TFPI: variants seen among roughly 807,000 people sequenced by gnomAD.
The protein encoded by TFPI is anti-convertin.
Under a neutral mutation model 34.6 loss-of-function variants are expected in TFPI, and 15 were observed. The observed-to-expected ratio is 0.43, with a 90% CI of 0.29 to 0.67. TFPI has a LOEUF of 0.67. Among genes scored for constraint, TFPI ranks in the 30% least tolerant of loss-of-function variants. The pLI, the probability that TFPI is intolerant of heterozygous loss-of-function variation, is 0.15. For missense variants in TFPI, 301 were observed against 364.0 expected (o/e 0.83, Z 1.41); for synonymous variants, 105 against 120.1 (o/e 0.87, Z 0.82).
chr2:187,488,416 T>G, intron 3 of TFPI, 41 bp from the exon 4 acceptor site: 1 of 1,274,228 alleles, frequency 7.8e-7, no homozygotes, highest in Non-Finnish European at 1.1e-6. Context: ...TGTCACAATT[T>G]ATAAAGTAAT....
At chr2:187,523,672 A>AT (rs970597826) in intron 1 of TFPI, among the ~76,000 whole-genome samples, 36 of 152,216 alleles carry the variant, frequency 2.4e-4, no homozygotes, top group African/African-American at 8.2e-4. Flanking sequence ...TATCCACAGA[A>AT]TAGTTGTAGT....
chr2:187,488,629 A>T (rs189001380), intron 3 of TFPI, among the ~76,000 whole-genome samples: 177 of 151,614 alleles, frequency 1.2e-3, no homozygotes, highest in African/African-American at 4.1e-3. Flanking sequence ...ACACACTTAC[A>T]AAGCTGAGAA....
rs1691635811 is a variant in TFPI at position 187,464,760 on chromosome 2, G to C, written c.*2176C>G. ...AATTTAAGGCAATTATTTATGCACT[G>C]AATATTTGAATGAAGATGTATTATT... On this transcript the variant is annotated 3_prime_UTR_variant, in exon 8 of 8. Coordinates refer to ENST00000233156, the MANE Select transcript of TFPI (RefSeq NM_006287.6). The C allele has an allele frequency of 6.6e-6, 1 of 152,136 alleles. No individual in the cohort carries two copies. Among genetic ancestry groups the C allele is most frequent in the East Asian group, 1.9e-4 (1 of 5,198 alleles). 9.4% of individuals were successfully genotyped at this position (152,136 alleles called of 1,614,324 possible).
At chr2:187,476,324 G>C (rs754019039) in intron 6 of TFPI, among the ~76,000 whole-genome samples, 16 of 152,016 alleles carry the variant, frequency 1.1e-4, no homozygotes, top group Non-Finnish European at 2.1e-4. Flanking sequence ...GGCAGAGTTG[G>C]AATTTTCCTG....
At chr2:187,538,387 A>T (rs542534600) in intron 1 of TFPI, among the ~76,000 whole-genome samples, 1 of 152,336 alleles carries the variant, frequency 6.6e-6, no homozygotes, top group East Asian at 1.9e-4. Context: ...CATATACACC[A>T]TGGAATACTA....
chr2:187,498,406 A>G (rs1685630052), intron 2 of TFPI, among the ~76,000 whole-genome samples: 1 of 151,776 alleles, frequency 6.6e-6, no homozygotes, highest in Non-Finnish European at 1.5e-5. Flanking sequence ...AATAGCAAGT[A>G]TTAGTCTTAT....
rs547085823 is a variant in TFPI, at chr2:187,486,590, T to C, written c.359-1603A>G. Among the ~76,000 whole-genome samples the C allele has an allele frequency of 3.3e-5, 5 of 151,798 alleles. No individual in the cohort carries two copies. The East Asian group carries it at 9.6e-4, about 29-fold the overall frequency. On this transcript the variant is annotated intron_variant, in intron 4 of 7. Transcript: ENST00000233156. ...AACTACATTGGGAAACATGAACTTATGTGAAGACAAAGTTGAAAATGGACA... is the reference window on the plus strand; with the variant it reads ...AACTACATTGGGAAACATGAACTTACGTGAAGACAAAGTTGAAAATGGACA...
intron 1 of TFPI, among the ~76,000 whole-genome samples, chr2:187,522,275 C>A (rs1300299526): frequency 6.6e-6 from 1 of 151,994 alleles, no homozygotes; most frequent in Non-Finnish European, 1.5e-5. Flanking sequence ...TTCAAAAAAT[C>A]ATTGCCAAGA....
intron 1 of TFPI, 128 bp from the exon 2 acceptor site, chr2:187,503,898 T>G (rs1411269984): frequency 1.1e-6 from 1 of 940,462 alleles, no homozygotes; most frequent in Non-Finnish European, 1.6e-6. Context: ...TACACATACA[T>G]TTCTCTGTGC....
At chr2:187,489,195 G>A (rs1438568096) in intron 3 of TFPI, among the ~76,000 whole-genome samples, 1 of 151,328 alleles carries the variant, frequency 6.6e-6, no homozygotes, top group African/African-American at 2.4e-5. Flanking sequence ...AGAGAGAGAA[G>A]GGAAGAAAGA....
intron 3 of TFPI, among the ~76,000 whole-genome samples, chr2:187,494,805 G>A (rs762240836): frequency 1.3e-5 from 2 of 152,052 alleles, no homozygotes; most frequent in Non-Finnish European, 2.9e-5. Context: ...TCACTGCAAC[G>A]TCTGGCTCCT....
At chr2:187,536,182 G>A (rs1192141795) in intron 1 of TFPI, among the ~76,000 whole-genome samples, 2 of 152,150 alleles carry the variant, frequency 1.3e-5, no homozygotes, top group South Asian at 2.1e-4. Flanking sequence ...TATTCCTTCT[G>A]AAACTATTCC....
Position 187,503,640 on chromosome 2 carries a change from T to C in TFPI, c.121+8A>G, listed in dbSNP as rs1179782331. On this transcript the variant is annotated splice_region_variant and intron_variant, in intron 2 of 7. Transcript: ENST00000233156. ...AGCTTAAAAAGATAATTGCTTCTAATATTTTACCTGTGATAATTGTGTGTT... is the reference window on the plus strand; with the variant it reads ...AGCTTAAAAAGATAATTGCTTCTAACATTTTACCTGTGATAATTGTGTGTT... The C allele has an allele frequency of 1.1e-5, 17 of 1,610,686 alleles. No individual in the cohort carries two copies. Among genetic ancestry groups the C allele is most frequent in the Non-Finnish European group, 1.4e-5 (17 of 1,178,380 alleles).
At chr2:187,503,575 C>A (rs2106119150) in intron 2 of TFPI, 73 bp downstream of exon 2, 1 of 1,535,330 alleles carries the variant, frequency 6.5e-7, no homozygotes, top group Non-Finnish European at 8.8e-7. Flanking sequence ...CAATGGAAAA[C>A]TATGGTAGAT....
Position 187,488,379 on chromosome 2 carries a change from T to C in TFPI, c.320-4A>G. 3.9e-6 allele frequency: 6 copies of C among 1,536,418 alleles called. No homozygotes were observed. Among genetic ancestry groups the C allele is most frequent in the Non-Finnish European group, 5.2e-6 (6 of 1,143,114 alleles). ...TTTATAATCCTGTTTGCATTATCTG[T>C]AATCAAAAGAATATATGCATATCAA... On this transcript the variant is annotated splice_region_variant and splice_polypyrimidine_tract_variant and intron_variant, in intron 3 of 7. Coordinates refer to ENST00000233156, the MANE Select transcript of TFPI (RefSeq NM_006287.6).
chr2:187,467,753 CT>C lies in TFPI; in HGVS notation c.807del (p.Gly270ValfsTer11). 2 of 1,594,712 alleles carry C rather than the reference CT, an allele frequency of 1.3e-6. No homozygotes were observed. The highest frequency in any genetic ancestry group is 1.1e-5 in the South Asian group (1 of 87,316). ...TTAATGGGAAGAGTATCTTCTATAC[CT>C]TTTTTACATGCCCTCAGACATTCTT... ...SKQECLRACK[K>X]GFIQRISKGG... On this transcript the variant is annotated frameshift_variant and splice_region_variant, in exon 7 of 8. Coordinates refer to ENST00000233156, the MANE Select transcript of TFPI (RefSeq NM_006287.6). LOFTEE classifies it low-confidence loss of function (END_TRUNC).
chr2:187,544,850 C>T (rs1040836215), intron 1 of TFPI, among the ~76,000 whole-genome samples: 4 of 152,140 alleles, frequency 2.6e-5, no homozygotes, highest in Non-Finnish European at 5.9e-5. Flanking sequence ...TGCAGTGACT[C>T]ACATCTATAA....
At chr2:187,539,203 A>G (rs981955424) in intron 1 of TFPI, among the ~76,000 whole-genome samples, 1 of 152,158 alleles carries the variant, frequency 6.6e-6, no homozygotes, top group Admixed American at 6.5e-5. Context: ...CTGTGAGTAC[A>G]TTAGAGAAAT....
At chr2:187,524,725 G>T (rs1292914296) in intron 1 of TFPI, among the ~76,000 whole-genome samples, 4 of 151,842 alleles carry the variant, frequency 2.6e-5, no homozygotes, top group Admixed American at 1.3e-4. Context: ...GTCTTGTATT[G>T]CTTTTCATTT....
Sources: gnomAD v4.1 joint callset for allele counts (sites outside exome capture counted in the v4.1 genomes callset) on GRCh38, gnomAD v4.1.1 for gene constraint, MANE v1.5 for transcripts, NCBI Gene and HGNC (gene_info 2026-07-23, HGNC 2026-07-21) for gene names.